Variants in FNIP2 observed in about 807,000 individuals in gnomAD.
FNIP2 encodes folliculin-interacting protein 2.
FNIP2 carries 32 observed loss-of-function variants against 108.7 expected under a neutral mutation model. The observed-to-expected ratio is 0.29, with a 90% CI of 0.22 to 0.40. The LOEUF is 0.40. Among genes scored for constraint, FNIP2 ranks in the 10% least tolerant of loss-of-function variants. The pLI is 1.00. For missense variants in FNIP2, 1,202 were observed against 1,381.6 expected (o/e 0.87, Z 2.06); for synonymous variants, 480 against 496.7 (o/e 0.97, Z 0.45).
Position 158,861,477 on chromosome 4 carries a change from A to T in FNIP2, c.1284A>T (p.Ile428=). 1 of 1,613,968 alleles carries T rather than the reference A, an allele frequency of 6.2e-7. No homozygotes were observed. The highest frequency in any genetic ancestry group is 1.7e-5 in the Admixed American group (1 of 60,010). The change falls in exon 11 of 17, where the codon ATA becomes ATT. Residue 428 remains isoleucine (I), a synonymous_variant. Transcript: ENST00000264433. The stretch of plus-strand genomic sequence containing the variant: ...AGTTTACACTTCTGATAGAACAGAT[A>T]AATAAAAACCAGTAAGCTTCAACTC... ...LKEFTLLIEQ[I]NKNQFFAALL...
At chr4:158,838,844 C>T (rs1376589184) in intron 7 of FNIP2, among the ~76,000 whole-genome samples, 1 of 152,054 alleles carries the variant, frequency 6.6e-6, no homozygotes, top group Non-Finnish European at 1.5e-5. Flanking sequence ...CTTCTCTTAG[C>T]TGTGGTGGTT....
At chr4:158,816,083 A>G (rs1777551338) in intron 1 of FNIP2, among the ~76,000 whole-genome samples, 1 of 152,092 alleles carries the variant, frequency 6.6e-6, no homozygotes, top group Non-Finnish European at 1.5e-5. Context: ...ATATATATAT[A>G]TATTTATTTT....
intron 2 of FNIP2, among the ~76,000 whole-genome samples, chr4:158,828,224 G>A (rs535128643): frequency 2.5e-4 from 38 of 152,170 alleles, no homozygotes; most frequent in Non-Finnish European, 4.7e-4. Flanking sequence ...ATTCACAGTA[G>A]CTCCTGTTTC....
At chr4:158,897,264 C>G (rs1434341524) in intron 16 of FNIP2, among the ~76,000 whole-genome samples, 1 of 152,096 alleles carries the variant, frequency 6.6e-6, no homozygotes, top group African/African-American at 2.4e-5. Flanking sequence ...CGGTTGGTTC[C>G]AAGTCTTTGC....
rs1182019633 is a variant in FNIP2 at position 158,851,445 on chromosome 4, A to G, written c.852A>G (p.Pro284=). ...CAAGTTTGGAAAATGGCATCATCCCAAGAAGGTGAGTTGCAAGTTTCCTCT... is the reference window on the plus strand; with the variant it reads ...CAAGTTTGGAAAATGGCATCATCCCGAGAAGGTGAGTTGCAAGTTTCCTCT... ...QTTSLENGII[P]RRSTDETFSL... Residue 284 remains proline (P), a synonymous_variant, in exon 8 of 17, where the codon CCA becomes CCG. Coordinates refer to ENST00000264433, the MANE Select transcript of FNIP2 (RefSeq NM_020840.3). 6.2e-7 allele frequency: 1 copy of G among 1,613,938 alleles called. No individual in the cohort carries two copies. Among genetic ancestry groups the G allele is most frequent in the South Asian group, 1.1e-5 (1 of 91,068 alleles).
chr4:158,778,890 C>G (rs1284936173), intron 1 of FNIP2, among the ~76,000 whole-genome samples: 1 of 152,206 alleles, frequency 6.6e-6, no homozygotes, highest in African/African-American at 2.4e-5. Flanking sequence ...GCCATAAGCT[C>G]AAGTATATTT....
At chr4:158,807,705 C>G (rs916557743) in intron 1 of FNIP2, among the ~76,000 whole-genome samples, 1 of 152,074 alleles carries the variant, frequency 6.6e-6, no homozygotes, top group African/African-American at 2.4e-5. Flanking sequence ...CAGAGTGACA[C>G]TTCTATCTCT....
chr4:158,894,838 A>C (rs1431423284), intron 15 of FNIP2, among the ~76,000 whole-genome samples: 1 of 152,182 alleles, frequency 6.6e-6, no homozygotes, highest in African/African-American at 2.4e-5. Flanking sequence ...CCAATGAAAA[A>C]CTGAAAAGAT....
intron 1 of FNIP2, among the ~76,000 whole-genome samples, chr4:158,783,807 C>G (rs778161272): frequency 1.2e-4 from 18 of 152,132 alleles, no homozygotes; most frequent in Non-Finnish European, 2.1e-4. Context: ...GAGCCTGGAC[C>G]AGTTCAGCTT....
intron 1 of FNIP2, among the ~76,000 whole-genome samples, chr4:158,789,826 G>GT (rs1553953805): frequency 2.0e-5 from 3 of 151,734 alleles, no homozygotes. Flanking sequence ...GGTTGTGGTA[G>GT]CCTGGCAGTG....
chr4:158,865,961 T>C (rs952818675), intron 12 of FNIP2, among the ~76,000 whole-genome samples: 1 of 151,932 alleles, frequency 6.6e-6, no homozygotes, highest in African/African-American at 2.4e-5. Context: ...CACAAGGGAA[T>C]ACTCGCAGAA....
rs1450479645 is a variant in FNIP2 at position 158,869,281 on chromosome 4, G to C, written c.2645G>C (p.Arg882Thr). 9.9e-6 allele frequency: 16 copies of C among 1,614,036 alleles called. 2 individuals are homozygous for C. In the South Asian group the frequency reaches 1.8e-4, roughly 18 times the overall value. The change falls in exon 13 of 17, where the codon AGG becomes ACG. Residue 882 changes from arginine to threonine, a missense_variant. Arg to Thr is a moderately conservative substitution (Grantham distance 71). Coordinates refer to ENST00000264433, the MANE Select transcript of FNIP2 (RefSeq NM_020840.3). ...GATGACAACAAGAAGGCCAACTTCA[G>C]GACTGAAGGAGACATTCCCCGAAAT... Reference protein sequence around the residue: ...CGDDNKKANFRTEGDIPRNES... With the variant: ...CGDDNKKANFTTEGDIPRNES...
At chr4:158,870,170 A>T in intron 13 of FNIP2, 143 bp from the exon 14 acceptor site, 1 of 795,686 alleles carries the variant, frequency 1.3e-6, no homozygotes, top group Non-Finnish European at 1.9e-6. Flanking sequence ...CCCACCTGTG[A>T]TCCACTTACT....
intron 16 of FNIP2, among the ~76,000 whole-genome samples, chr4:158,897,589 C>T (rs546655106): frequency 1.1e-4 from 16 of 152,216 alleles, no homozygotes; most frequent in Middle Eastern, 3.4e-3. Flanking sequence ...TCTCTGATGA[C>T]CAGTGATGAT....
At chr4:158,783,145 A>G (rs1364201131) in intron 1 of FNIP2, among the ~76,000 whole-genome samples, 1 of 152,152 alleles carries the variant, frequency 6.6e-6, no homozygotes, top group Non-Finnish European at 1.5e-5. Context: ...GCTTGCCGTG[A>G]CCTGCTAGCA....
chr4:158,853,534 A>C (rs1159513514), intron 8 of FNIP2, among the ~76,000 whole-genome samples: 1 of 151,718 alleles, frequency 6.6e-6, no homozygotes, highest in Non-Finnish European at 1.5e-5. Flanking sequence ...CCATCCCCCT[A>C]CCCCACGACA....
intron 8 of FNIP2, among the ~76,000 whole-genome samples, chr4:158,856,356 G>A (rs1022509942): frequency 3.3e-5 from 5 of 152,158 alleles, no homozygotes; most frequent in Non-Finnish European, 7.3e-5. Flanking sequence ...TGATACCAGT[G>A]ATAGATTATT....
intron 7 of FNIP2, among the ~76,000 whole-genome samples, chr4:158,844,832 A>G (rs950955089): frequency 7.9e-5 from 12 of 152,250 alleles, no homozygotes; most frequent in Admixed American, 6.5e-5. Flanking sequence ...GAGAAAGTTA[A>G]ACATTAATCT....
intron 1 of FNIP2, among the ~76,000 whole-genome samples, chr4:158,812,642 A>C (rs1244675959): frequency 6.6e-6 from 1 of 152,134 alleles, no homozygotes; most frequent in African/African-American, 2.4e-5. Flanking sequence ...AACATTAAGC[A>C]GAAAGTACAG....
Sources: gnomAD v4.1 joint callset for allele counts (sites outside exome capture counted in the v4.1 genomes callset) on GRCh38, gnomAD v4.1.1 for gene constraint, MANE v1.5 for transcripts, NCBI Gene and HGNC (gene_info 2026-07-23, HGNC 2026-07-21) for gene names.